TOX2: variants seen among roughly 807,000 people sequenced by gnomAD.
TOX2 encodes the protein granulosa cell HMG box 1.
Under a neutral mutation model 47.4 loss-of-function variants are expected in TOX2, and 15 were observed. The observed-to-expected ratio is 0.32, with a 90% CI of 0.21 to 0.49. The LOEUF (loss-of-function observed/expected upper bound fraction) is 0.49, where lower values mean the gene tolerates loss of function less well. Among genes scored for constraint, TOX2 ranks in the 20% least tolerant of loss-of-function variants. TOX2 has a pLI of 0.99. For synonymous variants in TOX2, 290 were observed against 296.6 expected (o/e 0.98, Z 0.23); for missense variants, 622 against 673.1 (o/e 0.92, Z 0.84).
At chr20:43,944,063 G>A (rs924635319) in intron 1 of TOX2, among the ~76,000 whole-genome samples, 2 of 152,152 alleles carry the variant, frequency 1.3e-5, no homozygotes, top group African/African-American at 4.8e-5. Context: ...TCTTTGGTAT[G>A]TCTGAAATTT....
chr20:43,924,821 T>G (rs2069147372), intron 1 of TOX2, among the ~76,000 whole-genome samples: 6 of 152,234 alleles, frequency 3.9e-5, no homozygotes, highest in Admixed American at 3.9e-4. Flanking sequence ...AGAAGTATTT[T>G]AGAAGAGGAA....
intron 1 of TOX2, among the ~76,000 whole-genome samples, chr20:43,923,027 C>CGG (rs1555828846): frequency 1.3e-5 from 2 of 151,736 alleles, no homozygotes; most frequent in Non-Finnish European, 2.9e-5. Context: ...TTCACAATGG[C>CGG]AGTCTTACAG....
At chr20:43,950,955 T>C (rs1375175946) in intron 1 of TOX2, among the ~76,000 whole-genome samples, 1 of 151,792 alleles carries the variant, frequency 6.6e-6, no homozygotes, top group African/African-American at 2.4e-5. Context: ...AGCCCAGCAA[T>C]CAGAAGAGGT....
At chr20:43,987,279 T>G (rs1305479916) in intron 2 of TOX2, among the ~76,000 whole-genome samples, 1 of 152,130 alleles carries the variant, frequency 6.6e-6, no homozygotes, top group Non-Finnish European at 1.5e-5. Flanking sequence ...AGACAGAACA[T>G]TCTAGACAAT....
intron 1 of TOX2, among the ~76,000 whole-genome samples, chr20:43,933,873 T>C (rs1026766634): frequency 2.6e-5 from 4 of 152,052 alleles, no homozygotes. Context: ...GAACTCGTGG[T>C]CATCCAGTCA....
chr20:43,978,049 T>G (rs936761584), intron 2 of TOX2, among the ~76,000 whole-genome samples: 4 of 152,146 alleles, frequency 2.6e-5, no homozygotes, highest in Non-Finnish European at 5.9e-5. Context: ...AGCGTCTGCC[T>G]CCTAGAGTGT....
intron 3 of TOX2, among the ~76,000 whole-genome samples, chr20:44,040,313 G>A (rs2071311137): frequency 6.6e-6 from 1 of 152,166 alleles, no homozygotes; most frequent in Non-Finnish European, 1.5e-5. Flanking sequence ...AGAACCTTAG[G>A]AACACCAGCG....
chr20:43,970,264 A>T (rs2069941626), intron 1 of TOX2, among the ~76,000 whole-genome samples: 1 of 152,244 alleles, frequency 6.6e-6, no homozygotes, highest in Non-Finnish European at 1.5e-5. Flanking sequence ...TTAGCAGGGA[A>T]AAGAATATTT....
At chr20:43,917,338 G>A (rs1295444993) in intron 1 of TOX2, among the ~76,000 whole-genome samples, 3 of 152,128 alleles carry the variant, frequency 2.0e-5, no homozygotes, top group African/African-American at 7.2e-5. Context: ...GGTTGGGGAG[G>A]GAAATGCCCA....
chr20:44,046,544 C>G (rs879759051), intron 3 of TOX2, among the ~76,000 whole-genome samples: 10 of 152,172 alleles, frequency 6.6e-5, no homozygotes, highest in Admixed American at 1.3e-4. Flanking sequence ...AATGCCCAAC[C>G]AACTGCCTAC....
At chr20:43,928,990 A>G (rs930786136) in intron 1 of TOX2, among the ~76,000 whole-genome samples, 2 of 150,276 alleles carry the variant, frequency 1.3e-5, no homozygotes, top group African/African-American at 4.9e-5. Context: ...TGAAAAAAAA[A>G]AAAAAAAAAC....
At chr20:44,041,339 G>C (rs914242303) in intron 3 of TOX2, among the ~76,000 whole-genome samples, 3 of 152,198 alleles carry the variant, frequency 2.0e-5, no homozygotes, top group Non-Finnish European at 4.4e-5. Flanking sequence ...ACAGAAGCAT[G>C]GTAAAGGGGG....
intron 3 of TOX2, chr20:44,039,137 C>T (rs939770650): frequency 3.9e-5 from 49 of 1,255,610 alleles, no homozygotes; most frequent in Admixed American, 1.4e-4. Flanking sequence ...CGGGAGGCAA[C>T]GTGTGGAGAG....
chr20:43,958,731 T>G (rs947372937), intron 1 of TOX2, among the ~76,000 whole-genome samples: 8 of 152,222 alleles, frequency 5.3e-5, no homozygotes, highest in African/African-American at 9.7e-5. Flanking sequence ...AAATCTGGCT[T>G]CTTCTGGAGG....
At chr20:43,929,710 T>G (rs2069227525) in intron 1 of TOX2, among the ~76,000 whole-genome samples, 1 of 152,160 alleles carries the variant, frequency 6.6e-6, no homozygotes, top group African/African-American at 2.4e-5. Context: ...AATTTTTTAT[T>G]TGTTTCTTTA....
intron 3 of TOX2, among the ~76,000 whole-genome samples, chr20:44,037,497 G>T (rs2071259942): frequency 6.6e-6 from 1 of 152,126 alleles, no homozygotes; most frequent in Non-Finnish European, 1.5e-5. Flanking sequence ...CAGAAGACAG[G>T]CAGAATTCTG....
chr20:44,040,686 C>T (rs2071317854), intron 3 of TOX2, among the ~76,000 whole-genome samples: 1 of 152,156 alleles, frequency 6.6e-6, no homozygotes, highest in Non-Finnish European at 1.5e-5. Context: ...AAAATCTGTC[C>T]TCCTCTTCCT....
intron 3 of TOX2, among the ~76,000 whole-genome samples, chr20:44,026,316 A>T (rs947771722): frequency 2.0e-5 from 3 of 146,894 alleles, no homozygotes; most frequent in African/African-American, 7.7e-5. Flanking sequence ...CATTTGCAGC[A>T]ACCTGGGTGT....
Position 43,914,986 on chromosome 20 carries a change from G to A in TOX2, c.95G>A (p.Gly32Asp), listed in dbSNP as rs1195977301. The change falls in exon 1 of 9, where the codon GGC becomes GAC. Residue 32 changes from glycine (G) to aspartate (D), a missense_variant. Physicochemically the swap from Gly to Asp is moderately conservative, Grantham distance 94. Around this residue, in one of 3 missense-constraint regions of TOX2, gnomAD observed 307 missense variants for 327.3 expected, o/e 0.94. Coordinates refer to ENST00000341197, the MANE Select transcript of TOX2 (RefSeq NM_001098797.2). The surrounding 1 kb of genome is among the most constrained non-coding windows in gnomAD (Gnocchi z 4.5). Reference protein sequence around the residue: ...GLAHLDYYHGGKFDGDSAYVG... With the variant: ...GLAHLDYYHGDKFDGDSAYVG... Reference sequence around the variant, plus strand: ...GCGCACCTGGACTATTACCACGGCGGCAAGGTAGGCGGGGGCGGGCGGGGG... The same window carrying A: ...GCGCACCTGGACTATTACCACGGCGACAAGGTAGGCGGGGGCGGGCGGGGG... The A allele has an allele frequency of 8.0e-7, 1 of 1,246,812 alleles. No homozygotes were observed. Among genetic ancestry groups the A allele is most frequent in the South Asian group, 2.7e-5 (1 of 37,438 alleles). 77.2% of individuals were successfully genotyped at this position (1,246,812 alleles called of 1,614,324 possible). A position where few individuals can be genotyped will look rare whatever the true frequency, so the allele number is the denominator to read the frequency against.
Sources: gnomAD v4.1 joint callset for allele counts (sites outside exome capture counted in the v4.1 genomes callset) on GRCh38, gnomAD v4.1.1 for gene constraint, gnomAD v4.1.1 regional missense constraint, Gnocchi (gnomAD v3.1) non-coding constraint, MANE v1.5 for transcripts, NCBI Gene and HGNC (gene_info 2026-07-23, HGNC 2026-07-21) for gene names.